Variants in SLC25A23 observed in about 807,000 individuals in gnomAD.
SLC25A23 encodes solute carrier family 25 member 23.
In SLC25A23, 32 loss-of-function variants were observed where a neutral mutation model predicts 53.9. The observed-to-expected ratio is 0.59, with a 90% CI of 0.45 to 0.80. The LOEUF is 0.80. SLC25A23 is among the 30% of genes least tolerant of loss of function. The pLI, the probability that SLC25A23 is intolerant of heterozygous loss-of-function variation, is 0.00. For synonymous variants in SLC25A23, 275 were observed against 264.5 expected (o/e 1.04, Z -0.38); for missense variants, 575 against 651.4 (o/e 0.88, Z 1.28).
Position 6,442,038 on chromosome 19 carries a change from A to G in SLC25A23, c.1344T>C (p.Ala448=), listed in dbSNP as rs2092428614. ...CGTAGACCACATAGGAGATGCTCACAGCTGGAATAACCTTCATGAAGTTGG... is the reference window on the plus strand; with the variant it reads ...CGTAGACCACATAGGAGATGCTCACGGCTGGAATAACCTTCATGAAGTTGG... The part of the protein sequence containing the change: ...IAPNFMKVIP[A]VSISYVVYEN... Residue 448 remains alanine, a synonymous_variant, in exon 10 of 10, where the codon GCT becomes GCC. Transcript: ENST00000301454. 1.2e-6 allele frequency: 2 copies of G among 1,613,850 alleles called. No individual in the cohort carries two copies. The highest frequency in any genetic ancestry group is 8.5e-7 in the Non-Finnish European group (1 of 1,179,876).
chr19:6,447,326 G>T (rs1161104360), intron 8 of SLC25A23, among the ~76,000 whole-genome samples: 1 of 152,054 alleles, frequency 6.6e-6, no homozygotes, highest in Non-Finnish European at 1.5e-5. Context: ...TATTGAGACA[G>T]GGTCTCGCTC....
intron 8 of SLC25A23, among the ~76,000 whole-genome samples, chr19:6,451,234 T>C (rs28402927): frequency 0.19 from 27,793 of 148,394 alleles, 6,487 homozygotes; most frequent in African/African-American, 0.56. Flanking sequence ...ACTAAAAATA[T>C]AAAAATTAGC....
chr19:6,458,297 G>T lies in SLC25A23; in HGVS notation c.184C>A (p.Pro62Thr), dbSNP rs761898914. The change falls in exon 2 of 10, where the codon CCA becomes ACA. Residue 62 changes from proline to threonine, a missense_variant. Coordinates refer to ENST00000301454, the MANE Select transcript of SLC25A23 (RefSeq NM_024103.3). ...QGISSEGDAD[P>T]DGGLDLEEFS... ...TCCTCCAGGTCGAGCCCGCCATCTG[G>T]GTCAGCATCACCCTCAGAGGAGATA... The T allele has an allele frequency of 6.2e-7, 1 of 1,612,996 alleles. No homozygotes were observed. The highest frequency in any genetic ancestry group is 1.7e-5 in the Admixed American group (1 of 59,966).
chr19:6,458,499 C>A (rs563932856), intron 1 of SLC25A23, among the ~76,000 whole-genome samples, 175 bp from the exon 2 acceptor site: 1 of 152,160 alleles, frequency 6.6e-6, no homozygotes, highest in African/African-American at 2.4e-5. Flanking sequence ...ATCCCTACAG[C>A]CACCACAGGT....
chr19:6,454,209 G>A lies in SLC25A23; in HGVS notation c.795+114C>T, dbSNP rs1260222170. ...CAGGCATTCATGCAGAGGAGCAGAT[G>A]CCTGATCCTGGGGACCTGTGTTCAC... On this transcript the variant is annotated intron_variant, in intron 6 of 9. Transcript: ENST00000301454. The surrounding 1 kb of genome is among the most constrained non-coding windows in gnomAD (Gnocchi z 4.3). The A allele has an allele frequency of 6.7e-7, 1 of 1,501,686 alleles. No homozygotes were observed. The highest frequency in any genetic ancestry group is 1.3e-5 in the South Asian group (1 of 78,870). 93.0% of individuals were successfully genotyped at this position (1,501,686 alleles called of 1,614,324 possible). A position where few individuals can be genotyped will look rare whatever the true frequency, so the allele number is the denominator to read the frequency against.
intron 8 of SLC25A23, among the ~76,000 whole-genome samples, chr19:6,447,655 C>A (rs1380293721): frequency 1.3e-5 from 2 of 151,178 alleles, no homozygotes; most frequent in East Asian, 3.9e-4. Flanking sequence ...CAGGCATGTG[C>A]CACCAGGCTT....
intron 8 of SLC25A23, among the ~76,000 whole-genome samples, chr19:6,450,324 G>A (rs914786769): frequency 4.0e-5 from 6 of 151,892 alleles, no homozygotes; most frequent in Non-Finnish European, 5.9e-5. Flanking sequence ...GTGATAATAC[G>A]CCCAACCCAT....
At position 6,441,796 on chromosome 19, in the gene SLC25A23, G is replaced by A. The variant is rs2092424400; in HGVS notation, c.*179C>T. 11 of 572,058 alleles carry A rather than the reference G, an allele frequency of 1.9e-5. No homozygotes were observed. The highest frequency in any genetic ancestry group is 3.0e-5 in the Admixed American group (1 of 33,770). The allele number at this position is 572,058 out of a possible 1,614,324, so 35.4% of individuals were successfully genotyped here. ...CAGTGGTTGGGGCATAGGAGTCTAG[G>A]ATCCAGGATCTGGATGCTGGGATCC... On this transcript the variant is annotated 3_prime_UTR_variant, in exon 10 of 10. Transcript: ENST00000301454.
intron 2 of SLC25A23, 52 bp downstream of exon 2, chr19:6,458,146 G>C: frequency 6.3e-7 from 1 of 1,597,970 alleles, no homozygotes; most frequent in Non-Finnish European, 8.5e-7. Flanking sequence ...ATGTCTCTAG[G>C]GCCCCCACAG....
rs1376276676 is a variant in SLC25A23, at chr19:6,444,276, T to A, written c.1097A>T (p.Gln366Leu). The change falls in exon 9 of 10, where the codon CAG becomes CTG. Residue 366 changes from glutamine to leucine, a missense_variant. Physicochemically the swap from Gln to Leu is moderately radical, Grantham distance 113. Coordinates refer to ENST00000301454, the MANE Select transcript of SLC25A23 (RefSeq NM_024103.3). Reference sequence around the variant, plus strand: ...TGGGTCTGCCGAGTCGTGGCTGTACTGCTGAAGCCACCAGTTCTTCAGAGT... The same window carrying A: ...TGGGTCTGCCGAGTCGTGGCTGTACAGCTGAAGCCACCAGTTCTTCAGAGT... ...YETLKNWWLQ[Q>L]YSHDSADPGI... 3.2e-5 allele frequency: 50 copies of A among 1,582,084 alleles called. No individual in the cohort carries two copies. The highest frequency in any genetic ancestry group is 4.3e-5 in the Non-Finnish European group (50 of 1,163,492).
downstream of SLC25A23, chr19:6,438,044 CA>C (rs376540931): frequency 3.1e-3 from 245 of 79,964 alleles, 3 homozygotes; most frequent in East Asian, 0.012. Context: ...CACTGCACTC[CA>C]AAAAAAAAAA....
rs189323676 is a variant in SLC25A23, at chr19:6,442,617, C to T, written c.1223-458G>A. On this transcript the variant is annotated intron_variant, in intron 9 of 9. Coordinates refer to ENST00000301454, the MANE Select transcript of SLC25A23 (RefSeq NM_024103.3). ...AGGCTGGAGTGCAATGGTGCAATCT[C>T]GGCTCACTGCAACCTCCGCCTCCCG... Among the ~76,000 whole-genome samples the T allele has an allele frequency of 3.7e-3, 556 of 151,518 alleles. 3 individuals are homozygous for T. The highest frequency in any genetic ancestry group is 6.3e-3 in the Non-Finnish European group (430 of 67,802).
Position 6,441,448 on chromosome 19 carries a change from C to T in SLC25A23, c.*527G>A, listed in dbSNP as rs115582489. ...CACTGGATCTGGTGCCTGAGGGAGG[C>T]AGGGTCTGGGTGTTGAGGTACAGGG... On this transcript the variant is annotated 3_prime_UTR_variant, in exon 10 of 10. Coordinates refer to ENST00000301454, the MANE Select transcript of SLC25A23 (RefSeq NM_024103.3). 840 of 157,878 alleles carry T rather than the reference C, an allele frequency of 5.3e-3. 11 individuals are homozygous for T. The highest frequency in any genetic ancestry group is 0.019 in the African/African-American group (795 of 41,510). The allele number at this position is 157,878 out of a possible 1,614,324, so 9.8% of individuals were successfully genotyped here.
chr19:6,457,393 C>G (rs1054384977), intron 3 of SLC25A23, 110 bp downstream of exon 3: 15 of 978,168 alleles, frequency 1.5e-5, no homozygotes, highest in Non-Finnish European at 2.4e-5. Context: ...AAAGCCCCAA[C>G]CTCTCAGCTG....
Position 6,457,487 on chromosome 19 carries a change from AC to A in SLC25A23, c.371+15del, listed in dbSNP as rs1367340606. 1.2e-6 allele frequency: 2 copies of A among 1,611,880 alleles called. No homozygotes were observed. The highest frequency in any genetic ancestry group is 1.7e-6 in the Non-Finnish European group (2 of 1,178,376). On this transcript the variant is annotated intron_variant, in intron 3 of 9. Transcript: ENST00000301454. ...TGTCCTGAGTTACTTTGGATTCCAG[AC>A]CCCCAGCGACTCACCTGTGCAAAAT...
rs765925869 is a variant in SLC25A23, at chr19:6,455,975, T to C, written c.483+445A>G. 2.3e-5 allele frequency: 29 copies of C among 1,276,710 alleles called. No individual in the cohort carries two copies. The South Asian group carries it at 3.5e-4, about 15-fold the overall frequency. 79.1% of individuals were successfully genotyped at this position (1,276,710 alleles called of 1,614,324 possible). A position where few individuals can be genotyped will look rare whatever the true frequency, so the allele number is the denominator to read the frequency against. On this transcript the variant is annotated intron_variant, in intron 4 of 9. Transcript: ENST00000301454. ...ACCTCGTGATCCGCCCACTTCGGCC[T>C]CCCAAAGTGCTGGGATTTTAGGTGT... is the stretch of plus-strand genomic sequence containing the variant.
intron 7 of SLC25A23, 135 bp downstream of exon 7, chr19:6,453,846 C>T (rs767237932): frequency 3.0e-6 from 2 of 658,072 alleles, no homozygotes; most frequent in Non-Finnish European, 5.1e-6. Flanking sequence ...AATTGCATTA[C>T]TCTGATGAGC....
intron 4 of SLC25A23, chr19:6,456,168 C>T (rs116555510): frequency 7.3e-6 from 10 of 1,376,028 alleles, no homozygotes; most frequent in South Asian, 5.6e-5. Flanking sequence ...AACCCCCACA[C>T]GCTGTCCCCA....
Position 6,441,993 on chromosome 19 carries a change from C to A in SLC25A23, c.1389G>T (p.Leu463Phe). The change falls in exon 10 of 10, where the codon TTG becomes TTT. Residue 463 changes from leucine (L) to phenylalanine (F), a missense_variant. Coordinates refer to ENST00000301454, the MANE Select transcript of SLC25A23 (RefSeq NM_024103.3). Reference sequence around the variant, plus strand: ...GGGTCCCTCACCTGGACGTGACCCCCAAGGCCTGCTTCATGTTCTCGTAGA... The same window carrying A: ...GGGTCCCTCACCTGGACGTGACCCCAAAGGCCTGCTTCATGTTCTCGTAGA... ...YVVYENMKQA[L>F]GVTSR 1 of 1,613,830 alleles carries A rather than the reference C, an allele frequency of 6.2e-7. No individual in the cohort carries two copies. The highest frequency in any genetic ancestry group is 1.7e-4 in the Middle Eastern group (1 of 6,060).
Sources: allele counts gnomAD v4.1 joint callset (sites outside exome capture counted in the v4.1 genomes callset), GRCh38; gene constraint gnomAD v4.1.1; non-coding constraint Gnocchi (gnomAD v3.1); transcripts MANE v1.5; gene names NCBI Gene and HGNC (gene_info 2026-07-23, HGNC 2026-07-21).